The following YIPF6 variants were observed in gnomAD, a reference collection of about 807,000 sequenced individuals.
YIPF6 encodes the protein protein YIPF6.
A neutral mutation model predicts 16.8 loss-of-function variants in YIPF6; 3 were observed. The ratio of observed to expected loss-of-function variants is 0.18; its 90% CI spans 0.08 to 0.46. The LOEUF (loss-of-function observed/expected upper bound fraction) is 0.46. Ranked by LOEUF, YIPF6 falls within the 20% of genes least tolerant of loss-of-function variation. YIPF6 has a pLI of 0.98. For missense variants in YIPF6, 145 were observed against 184.9 expected (o/e 0.78, Z 1.25); for synonymous variants, 67 against 61.9 (o/e 1.08, Z -0.38).
chrX:68,516,003 G>A (rs1168582640), intron 3 of YIPF6, among the ~76,000 whole-genome samples: 2 of 111,002 alleles, frequency 1.8e-5, no homozygotes, highest in Non-Finnish European at 3.8e-5. Context: ...GGCGCCTGTA[G>A]TCCCAGCTAC....
chrX:68,503,133 C>T (rs774714880), intron 1 of YIPF6, among the ~76,000 whole-genome samples: 2 of 112,182 alleles, frequency 1.8e-5, no homozygotes, highest in Non-Finnish European at 3.8e-5. Flanking sequence ...GACCATGCCA[C>T]TGGCTACCCC....
intron 6 of YIPF6, among the ~76,000 whole-genome samples, chrX:68,524,676 C>T (rs987371554): frequency 1.8e-5 from 2 of 109,105 alleles, no homozygotes; most frequent in Non-Finnish European, 3.8e-5. Flanking sequence ...CCCCTAGCCC[C>T]CCCAGCCTCT....
intron 1 of YIPF6, among the ~76,000 whole-genome samples, chrX:68,509,695 T>C (rs1224829204): frequency 9.0e-6 from 1 of 111,709 alleles, no homozygotes; most frequent in African/African-American, 3.3e-5. Context: ...AAACTCTTAA[T>C]GGTCTGGGCC....
chrX:68,518,941 C>A, intron 4 of YIPF6, 129 bp downstream of exon 4: 1 of 597,453 alleles, frequency 1.7e-6, no homozygotes, highest in Non-Finnish European at 2.5e-6. Context: ...ACATGTTATA[C>A]TCCTTAGGTA....
chrX:68,521,979 CTTG>C (rs1476831344), intron 5 of YIPF6, among the ~76,000 whole-genome samples: 1 of 111,200 alleles, frequency 9.0e-6, no homozygotes, highest in African/African-American at 3.3e-5. Flanking sequence ...CAGAGATAAC[CTTG>C]TTAAGTTAAA....
chrX:68,511,698 C>A, intron 1 of YIPF6, 151 bp from the exon 2 acceptor site: 1 of 507,448 alleles, frequency 2.0e-6, no homozygotes, highest in Non-Finnish European at 3.0e-6. Flanking sequence ...TTATTGTTAA[C>A]TGCATTGTGT....
rs752828092 is a variant in YIPF6 at position 68,522,629 on chromosome X, T to A, written c.435-131T>A. 9.9e-5 allele frequency: 60 copies of A among 605,501 alleles called. 1 individual carries two copies. The African/African-American group carries it at 1.3e-3, about 13-fold the overall frequency. 49.9% of individuals were successfully genotyped at this position (605,501 alleles called of 1,213,427 possible). A position where few individuals can be genotyped will look rare whatever the true frequency, so the allele number is the denominator to read the frequency against. On this transcript the variant is annotated intron_variant, in intron 5 of 6. Transcript: ENST00000462683. ...CCAAAAGCATGTACTTAATAATTAA[T>A]GTTAGGATGTAGATGTTATGTACCA...
chrX:68,512,942 A>G (rs1261807002), intron 2 of YIPF6, among the ~76,000 whole-genome samples: 2 of 110,490 alleles, frequency 1.8e-5, no homozygotes, highest in Admixed American at 9.8e-5. Flanking sequence ...AGAGCAGGCT[A>G]ATTGGTCCTT....
At chrX:68,512,872 C>T (rs1408011277) in intron 2 of YIPF6, among the ~76,000 whole-genome samples, 2 of 105,896 alleles carry the variant, frequency 1.9e-5, no homozygotes, top group Non-Finnish European at 3.9e-5. Flanking sequence ...GATTCATTTA[C>T]CAATTAAATT....
Position 68,532,084 on chromosome X carries a change from A to C in YIPF6, c.*85A>C, listed in dbSNP as rs779541054. Reference sequence around the variant, plus strand: ...CCATGGAGCTTTGTCTCTGGCCCTTATTTGTCTAATTTTGGAGGTATTTGA... The same window carrying C: ...CCATGGAGCTTTGTCTCTGGCCCTTCTTTGTCTAATTTTGGAGGTATTTGA... On this transcript the variant is annotated 3_prime_UTR_variant, in exon 7 of 7. Transcript: ENST00000462683. The C allele has an allele frequency of 2.7e-6, 2 of 738,557 alleles. No individual in the cohort carries two copies. Among genetic ancestry groups the C allele is most frequent in the Non-Finnish European group, 4.0e-6 (2 of 503,099 alleles). The allele number at this position is 738,557 out of a possible 1,213,427, so 60.9% of individuals were successfully genotyped here.
chrX:68,530,800 T>C (rs1370602872), intron 6 of YIPF6, among the ~76,000 whole-genome samples: 1 of 111,388 alleles, frequency 9.0e-6, no homozygotes, highest in East Asian at 2.9e-4. Context: ...CTGCACCCAC[T>C]GTCTAACCAG....
At chrX:68,527,113 T>C (rs1337784443) in intron 6 of YIPF6, among the ~76,000 whole-genome samples, 1 of 111,917 alleles carries the variant, frequency 8.9e-6, no homozygotes, top group East Asian at 2.8e-4. Context: ...TGGGCTTTTT[T>C]TGATTGGTAG....
intron 1 of YIPF6, among the ~76,000 whole-genome samples, chrX:68,504,027 A>G (rs1481352901): frequency 1.8e-5 from 2 of 112,352 alleles, no homozygotes; most frequent in Non-Finnish European, 3.8e-5. Flanking sequence ...CCCTCCCCTC[A>G]GGTTTCATAA....
intron 4 of YIPF6, 75 bp downstream of exon 4, chrX:68,518,887 G>T: frequency 1.0e-6 from 1 of 968,896 alleles, no homozygotes; most frequent in Non-Finnish European, 1.4e-6. Flanking sequence ...AATTGTGGGG[G>T]ATTTTGATTG....
chrX:68,526,339 G>A (rs1315157134), intron 6 of YIPF6, among the ~76,000 whole-genome samples: 7 of 106,385 alleles, frequency 6.6e-5, no homozygotes, highest in Non-Finnish European at 1.3e-4. Flanking sequence ...TTTGTATCCT[G>A]AGACTTTGCT....
chrX:68,507,107 A>G (rs1287124195), intron 1 of YIPF6, among the ~76,000 whole-genome samples: 1 of 112,141 alleles, frequency 8.9e-6, no homozygotes, highest in Non-Finnish European at 1.9e-5. Flanking sequence ...TTATTTATTT[A>G]TGTGTTATCT....
intron 1 of YIPF6, among the ~76,000 whole-genome samples, chrX:68,507,539 G>A (rs1394027573): frequency 9.1e-6 from 1 of 110,278 alleles, no homozygotes; most frequent in Admixed American, 9.7e-5. Context: ...GGTTTGCATA[G>A]TTTCTGGTGA....
Position 68,522,776 on chromosome X carries a change from C to A in YIPF6, c.451C>A (p.Leu151Ile), listed in dbSNP as rs1257068506. 6 of 1,193,155 alleles carry A rather than the reference C, an allele frequency of 5.0e-6. No individual in the cohort carries two copies. The highest frequency in any genetic ancestry group is 6.7e-6 in the Non-Finnish European group (6 of 890,377). ...LGGNISFFQS[L>I]CVLGYCILPL... ...GTTTTTAAGATCTTTTTTTCAGAGCCTCTGTGTGCTGGGTTACTGTATACT... is the reference window on the plus strand; with the variant it reads ...GTTTTTAAGATCTTTTTTTCAGAGCATCTGTGTGCTGGGTTACTGTATACT... Residue 151 changes from leucine to isoleucine, a missense_variant, in exon 6 of 7, where the codon CTC becomes ATC. Physicochemically the swap from Leu to Ile is conservative, Grantham distance 5 (BLOSUM62 2). Transcript: ENST00000462683.
intron 3 of YIPF6, among the ~76,000 whole-genome samples, chrX:68,517,010 C>T (rs779413785): frequency 3.6e-5 from 4 of 110,565 alleles, no homozygotes; most frequent in South Asian, 3.8e-4. Context: ...TAGTTAGAGA[C>T]GGGATTTCAC....
Sources: allele counts gnomAD v4.1 joint callset (sites outside exome capture counted in the v4.1 genomes callset), GRCh38; gene constraint gnomAD v4.1.1; transcripts MANE v1.5; gene names NCBI Gene and HGNC (gene_info 2026-07-23, HGNC 2026-07-21).